The following MGAT4C variants were observed in gnomAD, a reference collection of about 807,000 sequenced individuals.
The protein encoded by MGAT4C is alpha-1,3-mannosyl-glycoprotein 4-beta-N-acetylglucosaminyltransferase C.
In MGAT4C, 19 loss-of-function variants were observed where a neutral mutation model predicts 40.1. That is an observed-to-expected ratio of 0.47 (90% CI 0.33 to 0.70). The LOEUF (loss-of-function observed/expected upper bound fraction) is 0.70. Among genes scored for constraint, MGAT4C ranks in the 30% least tolerant of loss-of-function variants. MGAT4C has a pLI of 0.02. For missense variants in MGAT4C, 491 were observed against 563.2 expected, an observed-to-expected ratio of 0.87 and a Z score of 1.30; for synonymous variants, 181 against 187.1, an observed-to-expected ratio of 0.97 and a Z score of 0.27.
intron 1 of MGAT4C, among the ~76,000 whole-genome samples, chr12:86,058,546 T>G (rs1290974485): frequency 3.3e-5 from 5 of 152,156 alleles, no homozygotes; most frequent in African/African-American, 1.2e-4. Context: ...ACTCATACAA[T>G]AGTCTTATGA....
At chr12:86,438,670 T>C (rs1405834767) in intron 2 of MGAT4C, among the ~76,000 whole-genome samples, 2 of 151,936 alleles carry the variant, frequency 1.3e-5, no homozygotes, top group East Asian at 1.9e-4. Flanking sequence ...ACTTAAATGA[T>C]ACAGACTGTC....
intron 4 of MGAT4C, among the ~76,000 whole-genome samples, chr12:86,293,161 T>C (rs191103689): frequency 1.3e-5 from 2 of 152,322 alleles, no homozygotes; most frequent in East Asian, 1.9e-4. Flanking sequence ...TTGAAAATTA[T>C]GCTAGTTATA....
chr12:86,491,091 C>T (rs1958123600), intron 2 of MGAT4C, among the ~76,000 whole-genome samples: 1 of 152,084 alleles, frequency 6.6e-6, no homozygotes, highest in African/African-American at 2.4e-5. Flanking sequence ...ACTCTCTAAA[C>T]CAGGAAGAAG....
intron 1 of MGAT4C, among the ~76,000 whole-genome samples, chr12:86,737,166 T>A (rs2136126043): frequency 6.6e-6 from 1 of 151,576 alleles, no homozygotes; most frequent in Non-Finnish European, 1.5e-5. Flanking sequence ...TTCTACCTAT[T>A]TTCTTTTGGG....
intron 4 of MGAT4C, among the ~76,000 whole-genome samples, chr12:86,324,597 T>C (rs934877527): frequency 1.3e-5 from 2 of 152,008 alleles, no homozygotes; most frequent in East Asian, 3.8e-4. Flanking sequence ...AATATATAAA[T>C]AACATTAATT....
chr12:86,547,041 G>A (rs1286152061), intron 2 of MGAT4C, among the ~76,000 whole-genome samples: 1 of 151,804 alleles, frequency 6.6e-6, no homozygotes, highest in African/African-American at 2.4e-5. Flanking sequence ...TTTTTTTCCA[G>A]GGTAAATCAG....
intron 2 of MGAT4C, among the ~76,000 whole-genome samples, chr12:86,668,656 T>C (rs1312518137): frequency 1.3e-5 from 2 of 152,150 alleles, no homozygotes; most frequent in African/African-American, 4.8e-5. Flanking sequence ...GAGTGCCTGC[T>C]CTGGAGCAGG....
At chr12:86,401,244 TA>T in intron 3 of MGAT4C, among the ~76,000 whole-genome samples, 1 of 151,534 alleles carries the variant, frequency 6.6e-6, no homozygotes, top group Non-Finnish European at 1.5e-5. Context: ...ACTAAAGTTG[TA>T]GATAACATAT....
At chr12:86,326,824 A>T (rs2136168835) in intron 4 of MGAT4C, among the ~76,000 whole-genome samples, 1 of 152,286 alleles carries the variant, frequency 6.6e-6, no homozygotes, top group East Asian at 1.9e-4. Context: ...AAAATATTTT[A>T]ACTAAAAAAA....
chr12:86,456,364 G>A (rs1300305298), intron 2 of MGAT4C, among the ~76,000 whole-genome samples: 4 of 152,046 alleles, frequency 2.6e-5, no homozygotes, highest in Non-Finnish European at 5.9e-5. Flanking sequence ...GAGTAACAGA[G>A]AACTTAAATA....
At chr12:86,635,219 G>T (rs1281924294) in intron 2 of MGAT4C, among the ~76,000 whole-genome samples, 1 of 152,036 alleles carries the variant, frequency 6.6e-6, no homozygotes, top group Non-Finnish European at 1.5e-5. Flanking sequence ...TGATTCTCCG[G>T]TTTTTGCATT....
intron 3 of MGAT4C, among the ~76,000 whole-genome samples, chr12:86,415,705 A>C (rs1046884027): frequency 6.6e-6 from 1 of 152,070 alleles, no homozygotes; most frequent in African/African-American, 2.4e-5. Context: ...GAAATAGGGA[A>C]TCTATCAAGG....
intron 1 of MGAT4C, among the ~76,000 whole-genome samples, chr12:86,063,781 A>G (rs1894229608): frequency 6.6e-6 from 1 of 152,254 alleles, no homozygotes; most frequent in Admixed American, 6.5e-5. Flanking sequence ...CTTTAAACCA[A>G]CAAAGATCAA....
chr12:86,625,689 T>G (rs941523650), intron 2 of MGAT4C, among the ~76,000 whole-genome samples: 7 of 152,150 alleles, frequency 4.6e-5, no homozygotes, highest in African/African-American at 1.7e-4. Context: ...TTACTCTAAG[T>G]TGACTATAGT....
chr12:86,682,420 T>G (rs1250342681), intron 2 of MGAT4C, among the ~76,000 whole-genome samples: 3 of 152,092 alleles, frequency 2.0e-5, no homozygotes, highest in Non-Finnish European at 4.4e-5. Flanking sequence ...CTCTTCTTAA[T>G]AAACCATATG....
chr12:86,419,032 C>T (rs961656999), intron 3 of MGAT4C, among the ~76,000 whole-genome samples: 13 of 152,010 alleles, frequency 8.6e-5, no homozygotes, highest in Admixed American at 5.9e-4. Context: ...TTGCAAAAGA[C>T]GTTACAGAAC....
At chr12:86,551,437 C>A (rs770922022) in intron 2 of MGAT4C, among the ~76,000 whole-genome samples, 1 of 151,956 alleles carries the variant, frequency 6.6e-6, no homozygotes, top group Non-Finnish European at 1.5e-5. Context: ...ACATCTCTGG[C>A]AGACATTCCT....
chr12:86,415,051 A>C (rs1025380769), intron 3 of MGAT4C, among the ~76,000 whole-genome samples: 2 of 151,924 alleles, frequency 1.3e-5, no homozygotes, highest in Non-Finnish European at 2.9e-5. Context: ...TAAACTTTCC[A>C]CCCCTATTCT....
intron 1 of MGAT4C, among the ~76,000 whole-genome samples, chr12:86,218,113 A>C (rs1950741579): frequency 6.6e-6 from 1 of 151,808 alleles, no homozygotes; most frequent in South Asian, 2.1e-4. Flanking sequence ...TTTACCTTTT[A>C]GGTCATTGGA....
Sources: gnomAD v4.1 joint callset for allele counts (sites outside exome capture counted in the v4.1 genomes callset) on GRCh38, gnomAD v4.1.1 for gene constraint, MANE v1.5 for transcripts, NCBI Gene and HGNC (gene_info 2026-07-23, HGNC 2026-07-21) for gene names.